Variants in RHBDD1 observed in about 807,000 individuals in gnomAD.
RHBDD1 encodes the protein rhomboid-related protein 4.
Under a neutral mutation model 36.3 loss-of-function variants are expected in RHBDD1, and 38 were observed. The ratio of observed to expected loss-of-function variants is 1.05; its 90% confidence interval spans 0.81 to 1.37. The LOEUF (loss-of-function observed/expected upper bound fraction) is 1.37, where lower values mean the gene tolerates loss of function less well. Ranked by LOEUF, RHBDD1 falls within the 40% of genes most tolerant of loss-of-function variation. The pLI is 0.00. For missense variants in RHBDD1, 393 were observed against 377.6 expected (o/e 1.04, Z -0.34); for synonymous variants, 151 against 136.5 (o/e 1.11, Z -0.74).
chr2:226,922,112 A>G (rs1949354192), intron 8 of RHBDD1, among the ~76,000 whole-genome samples: 1 of 148,242 alleles, frequency 6.7e-6, no homozygotes, highest in Non-Finnish European at 1.5e-5. Flanking sequence ...GTCTCTTTTT[A>G]TAGTTTTTAT....
At chr2:226,909,274 C>CCGTA (rs1948338148) in intron 7 of RHBDD1, among the ~76,000 whole-genome samples, 1 of 152,076 alleles carries the variant, frequency 6.6e-6, no homozygotes, top group Non-Finnish European at 1.5e-5. Flanking sequence ...CCTTGCATAC[C>CCGTA]GTCAGATGCT....
intron 8 of RHBDD1, among the ~76,000 whole-genome samples, chr2:226,977,738 T>C (rs1361921079): frequency 6.6e-6 from 1 of 152,244 alleles, no homozygotes; most frequent in Non-Finnish European, 1.5e-5. Flanking sequence ...AGAGTCTTCA[T>C]TGCTAATTGA....
chr2:226,948,731 A>G (rs1376065906), intron 8 of RHBDD1, among the ~76,000 whole-genome samples: 1 of 152,148 alleles, frequency 6.6e-6, no homozygotes, highest in African/African-American at 2.4e-5. Context: ...GAAAAGCAAC[A>G]CAAGACAAGG....
chr2:226,803,308 A>ATG, the RHBDD1 span, among the ~76,000 whole-genome samples: 3,722 of 149,318 alleles, frequency 0.025, 58 homozygotes, highest in African/African-American at 0.051. Context: ...GATGACTAAA[A>ATG]TGTGTGTGTG....
At chr2:226,977,064 G>A (rs1051517373) in intron 8 of RHBDD1, among the ~76,000 whole-genome samples, 1 of 152,174 alleles carries the variant, frequency 6.6e-6, no homozygotes, top group Non-Finnish European at 1.5e-5. Flanking sequence ...TCAGAAACAA[G>A]CCACTGCTCT....
intron 3 of RHBDD1, among the ~76,000 whole-genome samples, chr2:226,863,013 A>G (rs775938723): frequency 9.2e-5 from 14 of 152,192 alleles, no homozygotes; most frequent in Non-Finnish European, 1.9e-4. Flanking sequence ...CCATGACCCA[A>G]ACACCTCCCA....
intron 8 of RHBDD1, among the ~76,000 whole-genome samples, chr2:226,969,913 T>G (rs1953113916): frequency 2.0e-5 from 3 of 152,130 alleles, no homozygotes; most frequent in Non-Finnish European, 4.4e-5. Context: ...AAAGGGAATC[T>G]TGAACTCAGA....
chr2:226,945,055 T>A (rs923299885), intron 8 of RHBDD1, among the ~76,000 whole-genome samples: 2 of 151,882 alleles, frequency 1.3e-5, no homozygotes, highest in Non-Finnish European at 2.9e-5. Context: ...AGGGCAGAGA[T>A]AAGTAGGAAT....
chr2:226,939,302 T>G (rs922475288), intron 8 of RHBDD1, among the ~76,000 whole-genome samples: 2 of 152,076 alleles, frequency 1.3e-5, no homozygotes, highest in African/African-American at 4.8e-5. Context: ...GAGAAAGAAA[T>G]AAAAGGTATT....
chr2:226,841,867 G>A (rs777379155), intron 3 of RHBDD1, among the ~76,000 whole-genome samples: 1 of 152,102 alleles, frequency 6.6e-6, no homozygotes. Flanking sequence ...TTGAGGAATC[G>A]CCAGTCTGTC....
chr2:226,993,287 T>C (rs546658774), intron 8 of RHBDD1, among the ~76,000 whole-genome samples: 1 of 152,330 alleles, frequency 6.6e-6, no homozygotes, highest in South Asian at 2.1e-4. Context: ...CCTCCATGGG[T>C]TTCTGCCCTG....
At chr2:226,865,539 A>G (rs541577462) in intron 4 of RHBDD1, among the ~76,000 whole-genome samples, 3 of 152,320 alleles carry the variant, frequency 2.0e-5, no homozygotes, top group African/African-American at 7.2e-5. Flanking sequence ...CTCATCTGCA[A>G]CAAGTTACAT....
intron 8 of RHBDD1, among the ~76,000 whole-genome samples, chr2:226,993,444 C>G (rs1317538505): frequency 6.6e-6 from 1 of 152,192 alleles, no homozygotes; most frequent in Non-Finnish European, 1.5e-5. Context: ...TTAAAAACAA[C>G]TGTTAAAGGC....
chr2:226,880,498 A>G (rs184114975), intron 5 of RHBDD1, among the ~76,000 whole-genome samples: 3 of 152,262 alleles, frequency 2.0e-5, no homozygotes, highest in Non-Finnish European at 4.4e-5. Flanking sequence ...ATGAGATGAG[A>G]AGGAGAAATT....
chr2:226,940,102 A>T (rs574311113), intron 8 of RHBDD1, among the ~76,000 whole-genome samples: 22 of 152,316 alleles, frequency 1.4e-4, no homozygotes. Flanking sequence ...TACACCTTAT[A>T]AAAAAATCAG....
In RHBDD1 at chr2:226,995,601, TA is replaced by T; in HGVS notation, c.*81del. 1 of 982,452 alleles carries T rather than the reference TA, an allele frequency of 1.0e-6. No individual in the cohort carries two copies. 60.9% of individuals were successfully genotyped at this position (982,452 alleles called of 1,614,324 possible). A position where few individuals can be genotyped will look rare whatever the true frequency, so the allele number is the denominator to read the frequency against. On this transcript the variant is annotated 3_prime_UTR_variant, in exon 9 of 9. Coordinates refer to ENST00000392062, the MANE Select transcript of RHBDD1 (RefSeq NM_001167608.3). ...CATTCCCCAAGCCCCTAATTCATTT[TA>T]ATTCATTTTAAACAAAAGCAGAGTA...
chr2:226,847,580 A>C (rs1304897995), intron 3 of RHBDD1, among the ~76,000 whole-genome samples: 1 of 152,240 alleles, frequency 6.6e-6, no homozygotes, highest in Non-Finnish European at 1.5e-5. Flanking sequence ...TTCATTTATT[A>C]GGCAAACTTA....
the RHBDD1 span, among the ~76,000 whole-genome samples, chr2:226,822,238 G>C: frequency 6.6e-6 from 1 of 152,092 alleles, no homozygotes; most frequent in South Asian, 2.1e-4. Context: ...GTTTGTTTTG[G>C]CTTATATTAT....
chr2:226,955,542 G>A (rs1468800463), intron 8 of RHBDD1, among the ~76,000 whole-genome samples: 1 of 152,184 alleles, frequency 6.6e-6, no homozygotes, highest in Non-Finnish European at 1.5e-5. Context: ...TGGTTTTGCT[G>A]TTCACAGTAA....
Sources: allele counts gnomAD v4.1 joint callset (sites outside exome capture counted in the v4.1 genomes callset), GRCh38; gene constraint gnomAD v4.1.1; transcripts MANE v1.5; gene names NCBI Gene and HGNC (gene_info 2026-07-23, HGNC 2026-07-21).